Variants in SLC8A1 observed in about 807,000 individuals in gnomAD.
The protein encoded by SLC8A1 is solute carrier family 8 member A1.
A neutral mutation model predicts 68.3 loss-of-function variants in SLC8A1; 18 were observed. That is an observed-to-expected ratio of 0.26 (90% confidence interval 0.18 to 0.39). SLC8A1 has a LOEUF of 0.39. SLC8A1 is among the 10% of genes least tolerant of loss of function. The probability of loss-of-function intolerance (pLI) is 1.00; values close to 1 mark genes in which losing one functional copy is unlikely to be tolerated. For missense variants in SLC8A1, 985 were observed against 1,156.7 expected (o/e 0.85, Z 2.15); for synonymous variants, 475 against 415.5 (o/e 1.14, Z -1.74).
chr2:40,236,286 G>C (rs2060358864), intron 2 of SLC8A1, among the ~76,000 whole-genome samples: 1 of 151,658 alleles, frequency 6.6e-6, no homozygotes, highest in South Asian at 2.1e-4. Context: ...GGGTGCTCCT[G>C]TATTGGGTGC....
chr2:40,326,745 A>ATATT (rs1471162314), intron 2 of SLC8A1, among the ~76,000 whole-genome samples: 1 of 152,224 alleles, frequency 6.6e-6, no homozygotes, highest in Non-Finnish European at 1.5e-5. Context: ...AATGACTTGC[A>ATATT]TATTTAAAGA....
intron 2 of SLC8A1, among the ~76,000 whole-genome samples, chr2:40,191,257 T>C (rs1224299332): frequency 6.6e-6 from 1 of 152,186 alleles, no homozygotes; most frequent in Non-Finnish European, 1.5e-5. Flanking sequence ...ACCCACTAAC[T>C]GTGGACTCTC....
chr2:40,220,571 G>T (rs540057141), intron 2 of SLC8A1, among the ~76,000 whole-genome samples: 2 of 152,118 alleles, frequency 1.3e-5, no homozygotes, highest in African/African-American at 4.8e-5. Flanking sequence ...CAAAGCAGTC[G>T]TTCCATTAAG....
At chr2:40,496,617 C>T (rs575239679) in intron 1 of SLC8A1, among the ~76,000 whole-genome samples, 41 of 152,082 alleles carry the variant, frequency 2.7e-4, no homozygotes, top group Admixed American at 1.7e-3. Context: ...ATTACTTTCT[C>T]GTCTGTGAAT....
chr2:40,373,986 A>C (rs1678989024), intron 2 of SLC8A1, among the ~76,000 whole-genome samples: 2 of 152,148 alleles, frequency 1.3e-5, no homozygotes, highest in Admixed American at 1.3e-4. Context: ...GAAATCTGAG[A>C]AGAGGTATCA....
At chr2:40,399,269 C>T (rs1029649124) in intron 2 of SLC8A1, among the ~76,000 whole-genome samples, 6 of 152,086 alleles carry the variant, frequency 3.9e-5, no homozygotes, top group East Asian at 1.9e-4. Context: ...AAACCAAATA[C>T]GAGATTCACT....
At chr2:40,484,559 G>C (rs368864034) in intron 1 of SLC8A1, among the ~76,000 whole-genome samples, 2 of 152,140 alleles carry the variant, frequency 1.3e-5, no homozygotes, top group Non-Finnish European at 2.9e-5. Context: ...GCTATCACCC[G>C]AATCTAACGC....
chr2:40,451,620 C>T (rs1702498655), intron 1 of SLC8A1, among the ~76,000 whole-genome samples: 1 of 152,072 alleles, frequency 6.6e-6, no homozygotes, highest in African/African-American at 2.4e-5. Flanking sequence ...TTTCTTCCTC[C>T]GGCAGCCTGC....
At chr2:40,400,770 G>T (rs918555467) in intron 2 of SLC8A1, among the ~76,000 whole-genome samples, 1 of 152,164 alleles carries the variant, frequency 6.6e-6, no homozygotes, top group African/African-American at 2.4e-5. Flanking sequence ...AAAACTAGAA[G>T]AGATTTTGGT....
At chr2:40,412,393 T>C (rs987966636) in intron 2 of SLC8A1, among the ~76,000 whole-genome samples, 4 of 152,130 alleles carry the variant, frequency 2.6e-5, no homozygotes, top group Non-Finnish European at 5.9e-5. Context: ...TATTTTGTAA[T>C]CATATATTTA....
rs147551257 is a variant in SLC8A1 at position 40,285,365 on chromosome 2, A to G, written c.1809-107510T>C. 2.6e-5 allele frequency among the ~76,000 whole-genome samples: 4 copies of G among 152,292 alleles called. No homozygotes were observed. The East Asian group carries it at 5.8e-4, about 22-fold the overall frequency. ...TGCTTTCAGTAGTAAACACTGTGTA[A>G]AAGACAAGAGCATCATAAACTATGG... On this transcript the variant is annotated intron_variant, in intron 2 of 7. Coordinates refer to ENST00000406785, the Ensembl canonical transcript of SLC8A1.
At chr2:40,129,985 C>T (rs2038993758) in intron 7 of SLC8A1, among the ~76,000 whole-genome samples, 1 of 152,176 alleles carries the variant, frequency 6.6e-6, no homozygotes, top group African/African-American at 2.4e-5. Context: ...CTCCCTGGAC[C>T]ACCTCCTGGT....
At chr2:40,406,830 A>C (rs1690506025) in intron 2 of SLC8A1, among the ~76,000 whole-genome samples, 1 of 152,166 alleles carries the variant, frequency 6.6e-6, no homozygotes, top group African/African-American at 2.4e-5. Context: ...AACTTCTCAA[A>C]CTTGCCACTT....
At chr2:40,236,430 T>A (rs995444874) in intron 2 of SLC8A1, among the ~76,000 whole-genome samples, 1 of 152,208 alleles carries the variant, frequency 6.6e-6, no homozygotes, top group East Asian at 1.9e-4. Context: ...AAACCCTGCC[T>A]TTTTTTGTTT....
chr2:40,183,855 A>G (rs1054513272), intron 2 of SLC8A1, among the ~76,000 whole-genome samples: 3 of 152,164 alleles, frequency 2.0e-5, no homozygotes, highest in African/African-American at 7.2e-5. Context: ...CCCAGCATGA[A>G]TATATTTAAA....
At chr2:40,127,910 A>C (rs1333412329) in intron 7 of SLC8A1, among the ~76,000 whole-genome samples, 1 of 152,246 alleles carries the variant, frequency 6.6e-6, no homozygotes, top group Non-Finnish European at 1.5e-5. Context: ...AAATACGGGC[A>C]CTAACGGAGT....
intron 2 of SLC8A1, among the ~76,000 whole-genome samples, chr2:40,215,025 C>T (rs1253962257): frequency 6.6e-6 from 1 of 151,984 alleles, no homozygotes; most frequent in African/African-American, 2.4e-5. Flanking sequence ...TCAAACAGAA[C>T]CTTATGAGTT....
At chr2:40,236,519 A>T (rs2060395198) in intron 2 of SLC8A1, among the ~76,000 whole-genome samples, 1 of 151,458 alleles carries the variant, frequency 6.6e-6, no homozygotes, top group South Asian at 2.1e-4. Flanking sequence ...GGGTTTCCTG[A>T]ATACAGCACA....
At chr2:40,314,432 G>A (rs1167651415) in intron 2 of SLC8A1, among the ~76,000 whole-genome samples, 1 of 151,876 alleles carries the variant, frequency 6.6e-6, no homozygotes. Context: ...AAATCAAGTA[G>A]TGTTATCCTT....
Sources: gnomAD v4.1 joint callset for allele counts (sites outside exome capture counted in the v4.1 genomes callset) on GRCh38, gnomAD v4.1.1 for gene constraint, MANE v1.5 for transcripts, NCBI Gene and HGNC (gene_info 2026-07-23, HGNC 2026-07-21) for gene names.